MECOM: variants seen among roughly 807,000 people sequenced by gnomAD.
MECOM encodes the protein MDS1 and EVI1 complex locus, also known as histone-lysine N-methyltransferase MECOM.
A neutral mutation model predicts 116.3 loss-of-function variants in MECOM; 13 were observed. The observed-to-expected ratio is 0.11, with a 90% CI of 0.07 to 0.18. The LOEUF is 0.18. MECOM is among the 10% of genes least tolerant of loss of function. The pLI is 1.00. For synonymous variants in MECOM, 528 were observed against 535.2 expected (o/e 0.99, Z 0.19); for missense variants, 1,299 against 1,509.0 (o/e 0.86, Z 2.31).
chr3:169,304,153 G>C (rs1411105821), intron 2 of MECOM, among the ~76,000 whole-genome samples: 1 of 152,106 alleles, frequency 6.6e-6, no homozygotes, highest in Non-Finnish European at 1.5e-5. Context: ...GTATAGTTTT[G>C]GGCTCAGAAA....
chr3:169,423,657 A>T (rs902814306), intron 1 of MECOM, among the ~76,000 whole-genome samples: 1 of 152,142 alleles, frequency 6.6e-6, no homozygotes, highest in African/African-American at 2.4e-5. Context: ...TCCTAATAAG[A>T]TGCCTTATTA....
chr3:169,421,718 C>A (rs1739780372), intron 1 of MECOM, among the ~76,000 whole-genome samples: 1 of 151,646 alleles, frequency 6.6e-6, no homozygotes, highest in African/African-American at 2.4e-5. Flanking sequence ...TTTCTTACTT[C>A]TTCATGTTTA....
In MECOM at chr3:169,183,311, A is replaced by G. The variant is rs370056066; in HGVS notation, c.376-39479T>C. Among the ~76,000 whole-genome samples, 26 of 152,210 alleles carry G rather than the reference A, an allele frequency of 1.7e-4. No individual in the cohort carries two copies. The East Asian group carries it at 4.5e-3, about 26-fold the overall frequency. On this transcript the variant is annotated intron_variant, in intron 2 of 16. Transcript: ENST00000651503. ...TTCTGAAGACAATGAACACATTTCA[A>G]CCTTCCACCTTTCTCCTGTGAGACA...
intron 1 of MECOM, among the ~76,000 whole-genome samples, chr3:169,542,421 GC>G (rs1221954661): frequency 5.3e-5 from 8 of 151,976 alleles, no homozygotes; most frequent in Non-Finnish European, 8.8e-5. Context: ...TGTAAACAAT[GC>G]CCTGGGGATT....
intron 1 of MECOM, among the ~76,000 whole-genome samples, chr3:169,520,776 C>T (rs953740920): frequency 2.7e-5 from 4 of 150,462 alleles, no homozygotes; most frequent in African/African-American, 9.8e-5. Flanking sequence ...ATCTTAATCT[C>T]AAAAAAAAAT....
intron 1 of MECOM, among the ~76,000 whole-genome samples, chr3:169,482,286 G>A (rs1223327359): frequency 6.6e-6 from 1 of 151,512 alleles, no homozygotes; most frequent in Non-Finnish European, 1.5e-5. Flanking sequence ...CCATGGGGAG[G>A]AGCACTGCAG....
chr3:169,430,031 G>T (rs76232540), intron 1 of MECOM, among the ~76,000 whole-genome samples: 1 of 152,118 alleles, frequency 6.6e-6, no homozygotes, highest in African/African-American at 2.4e-5. Context: ...TAAGAATGGC[G>T]TGAGTTTAGA....
intron 2 of MECOM, among the ~76,000 whole-genome samples, chr3:169,231,019 A>C (rs762405680): frequency 1.3e-5 from 2 of 152,072 alleles, no homozygotes; most frequent in African/African-American, 4.8e-5. Flanking sequence ...CTCATCCTTC[A>C]TTCATCATAA....
At chr3:169,460,088 C>G (rs35239788) in intron 1 of MECOM, among the ~76,000 whole-genome samples, 2 of 150,980 alleles carry the variant, frequency 1.3e-5, no homozygotes, top group Non-Finnish European at 2.9e-5. Flanking sequence ...ACAAAAGGAG[C>G]AGAAAAGCTG....
rs571841038 is a variant in MECOM at position 169,455,435 on chromosome 3, G to A, written c.38-73911C>T. On this transcript the variant is annotated intron_variant, in intron 1 of 16. Transcript: ENST00000651503. ...GCTGGTGATGGCACCTGAATCAAGAGAAAAACTTTGACAGTTGAACAAGTG... is the reference window on the plus strand; with the variant it reads ...GCTGGTGATGGCACCTGAATCAAGAAAAAAACTTTGACAGTTGAACAAGTG... Among the ~76,000 whole-genome samples, 8 of 152,304 alleles carry A rather than the reference G, an allele frequency of 5.3e-5. No individual in the cohort carries two copies. In the South Asian group the frequency reaches 1.4e-3, roughly 28 times the overall value.
At chr3:169,118,490 T>C (rs1729899894) in intron 7 of MECOM, among the ~76,000 whole-genome samples, 1 of 152,054 alleles carries the variant, frequency 6.6e-6, no homozygotes, top group Admixed American at 6.6e-5. Flanking sequence ...AATCAAATAA[T>C]GGAGAAGGTA....
At chr3:169,139,057 A>G (rs903649985) in intron 3 of MECOM, among the ~76,000 whole-genome samples, 1 of 152,118 alleles carries the variant, frequency 6.6e-6, no homozygotes, top group Non-Finnish European at 1.5e-5. Flanking sequence ...GCCTGTTCCA[A>G]CTGAAAACAC....
chr3:169,616,764 G>A (rs1770062822), intron 1 of MECOM, among the ~76,000 whole-genome samples: 1 of 152,146 alleles, frequency 6.6e-6, no homozygotes, highest in South Asian at 2.1e-4. Flanking sequence ...TTAGAGTTGG[G>A]TCAATTAATC....
chr3:169,580,355 T>C (rs1215186661), intron 1 of MECOM, among the ~76,000 whole-genome samples: 1 of 152,162 alleles, frequency 6.6e-6, no homozygotes, highest in African/African-American at 2.4e-5. Context: ...CAATGTGTAG[T>C]GTTTGGGTAC....
intron 1 of MECOM, among the ~76,000 whole-genome samples, chr3:169,543,654 CA>C (rs1473188751): frequency 1.3e-5 from 2 of 152,138 alleles, no homozygotes; most frequent in Non-Finnish European, 2.9e-5. Context: ...ACAATTCTAA[CA>C]TGATAAAATG....
In MECOM at chr3:169,347,629, G is replaced by T. The variant is rs190435575; in HGVS notation, c.375+33558C>A. Among the ~76,000 whole-genome samples the T allele has an allele frequency of 5.3e-5, 8 of 152,070 alleles. No individual in the cohort carries two copies. In the East Asian group the frequency reaches 1.6e-3, roughly 29 times the overall value. ...TAACTGAAAGATATCTACAAGAGAA[G>T]TTATCTACCCTTAAATGAATTGAAA... On this transcript the variant is annotated intron_variant, in intron 2 of 16. Coordinates refer to ENST00000651503, the MANE Select transcript of MECOM (RefSeq NM_004991.4).
At chr3:169,484,400 A>G (rs1751843480) in intron 1 of MECOM, among the ~76,000 whole-genome samples, 1 of 152,212 alleles carries the variant, frequency 6.6e-6, no homozygotes, top group Admixed American at 6.5e-5. Flanking sequence ...AAAAAAATTT[A>G]AATATCACAG....
In MECOM at chr3:169,406,849, G is replaced by GTT. The variant is rs1323915641; in HGVS notation, c.38-25327_38-25326dup. On this transcript the variant is annotated intron_variant, in intron 1 of 16. Transcript: ENST00000651503. ...GGTTATTTGGTTACTGTTTTTTTTT[G>GTT]TTTTTTTTTTTTAATGGAGTCTCAC... is the stretch of plus-strand genomic sequence containing the variant. 3.5e-3 allele frequency among the ~76,000 whole-genome samples: 450 copies of GTT among 128,226 alleles called. 2 individuals carry two copies. Among genetic ancestry groups the GTT allele is most frequent in the African/African-American group, 0.012 (433 of 35,268 alleles). The allele number at this position is 128,226 out of a possible 152,430, so 84.1% of individuals were successfully genotyped here.
At chr3:169,605,426 T>C (rs907330677) in intron 1 of MECOM, among the ~76,000 whole-genome samples, 1 of 152,218 alleles carries the variant, frequency 6.6e-6, no homozygotes, top group African/African-American at 2.4e-5. Flanking sequence ...ACAGGGGTAA[T>C]AGACATTAAC....
Sources: gnomAD v4.1 joint callset for allele counts (sites outside exome capture counted in the v4.1 genomes callset) on GRCh38, gnomAD v4.1.1 for gene constraint, MANE v1.5 for transcripts, NCBI Gene and HGNC (gene_info 2026-07-23, HGNC 2026-07-21) for gene names.